The following OPCML variants were observed in gnomAD, a reference collection of about 807,000 sequenced individuals.
The protein encoded by OPCML is opioid binding protein/cell adhesion molecule like, also known as opioid-binding protein/cell adhesion molecule.
OPCML carries 13 observed loss-of-function variants against 37.8 expected under a neutral mutation model. The observed-to-expected ratio is 0.34, with a 90% CI of 0.22 to 0.55. The LOEUF (loss-of-function observed/expected upper bound fraction) is 0.55, where lower values mean the gene tolerates loss of function less well. Among genes scored for constraint, OPCML ranks in the 20% least tolerant of loss-of-function variants. The pLI is 0.91. For synonymous variants in OPCML, 176 were observed against 168.8 expected (o/e 1.04, Z -0.33); for missense variants, 341 against 435.6 (o/e 0.78, Z 1.93).
intron 1 of OPCML, among the ~76,000 whole-genome samples, chr11:133,435,486 T>C (rs1485666224): frequency 1.3e-5 from 2 of 152,226 alleles, no homozygotes; most frequent in Admixed American, 1.3e-4. Flanking sequence ...TCAGGTATTG[T>C]CAGAGGAGAT....
At chr11:132,738,732 T>C (rs940900201) in intron 2 of OPCML, among the ~76,000 whole-genome samples, 2 of 152,210 alleles carry the variant, frequency 1.3e-5, no homozygotes, top group Non-Finnish European at 2.9e-5. Context: ...TCATCCTTTA[T>C]TGAAAGTTGT....
chr11:133,116,818 G>A (rs543119630), intron 1 of OPCML, among the ~76,000 whole-genome samples: 11,457 of 139,116 alleles, frequency 0.082, 714 homozygotes, highest in East Asian at 0.17. Flanking sequence ...ATATATATAT[G>A]TATGTATCTT....
At position 132,943,290 on chromosome 11, in the gene OPCML, G is replaced by T. The variant is rs1945648722; in HGVS notation, c.62-280C>A. 2.6e-6 allele frequency: 2 copies of T among 783,794 alleles called. No homozygotes were observed. The highest frequency in any genetic ancestry group is 1.7e-5 in the African/African-American group (1 of 57,306). The allele number at this position is 783,794 out of a possible 1,614,324, so 48.6% of individuals were successfully genotyped here. On this transcript the variant is annotated intron_variant, in intron 1 of 7. Coordinates refer to ENST00000524381, the MANE Select transcript of OPCML (RefSeq NM_001012393.5). This position sits in a 1 kb window ranked among gnomAD's most constrained non-coding sequence, Gnocchi z 4.3. ...CCTCAGATCCTGCCTCAGCTTTCCA[G>T]CCTAGCAGAACCAGATGCCCCCTCC...
At chr11:133,189,360 G>C (rs1477487644) in intron 1 of OPCML, among the ~76,000 whole-genome samples, 2 of 152,160 alleles carry the variant, frequency 1.3e-5, no homozygotes, top group African/African-American at 2.4e-5. Flanking sequence ...GAAGACTAAG[G>C]AAGAAAGCTC....
rs1165145372 is a variant in OPCML at position 133,368,255 on chromosome 11, G to A, written c.61+164009C>T. On this transcript the variant is annotated intron_variant, in intron 1 of 7. Coordinates refer to ENST00000524381, the MANE Select transcript of OPCML (RefSeq NM_001012393.5). Reference sequence around the variant, plus strand: ...GAAGGAAAAGGTGAGGTGGGGGGGGGAAGGAGAAGAACAGGGAGGAGAAGG... The same window carrying A: ...GAAGGAAAAGGTGAGGTGGGGGGGGAAAGGAGAAGAACAGGGAGGAGAAGG... Among the ~76,000 whole-genome samples the A allele has an allele frequency of 4.9e-5, 7 of 143,672 alleles. No individual in the cohort carries two copies. The East Asian group carries it at 1.5e-3, about 31-fold the overall frequency. The allele number at this position is 143,672 out of a possible 152,430, so 94.3% of individuals were successfully genotyped here. A position where few individuals can be genotyped will look rare whatever the true frequency, so the allele number is the denominator to read the frequency against.
rs189992542 is a variant in OPCML, at chr11:133,417,524, T to C, written c.61+114740A>G. Among the ~76,000 whole-genome samples the C allele has an allele frequency of 8.6e-3, 1,315 of 152,060 alleles. 25 individuals are homozygous for C. Among genetic ancestry groups the C allele is most frequent in the Non-Finnish European group, 7.1e-3 (481 of 68,012 alleles). ...TATACTTTAAGTTCTAGGGTACATATGCACAACATGCAGGTTTGTTACATA... is the reference window on the plus strand; with the variant it reads ...TATACTTTAAGTTCTAGGGTACATACGCACAACATGCAGGTTTGTTACATA... On this transcript the variant is annotated intron_variant, in intron 1 of 7. Transcript: ENST00000524381.
chr11:133,321,953 G>A (rs940211544), intron 1 of OPCML, among the ~76,000 whole-genome samples: 9 of 152,012 alleles, frequency 5.9e-5, no homozygotes, highest in Non-Finnish European at 1.2e-4. Context: ...CCATAGTATC[G>A]AACAGCAGAA....
At chr11:133,408,859 G>C (rs1945583697) in intron 1 of OPCML, among the ~76,000 whole-genome samples, 1 of 152,168 alleles carries the variant, frequency 6.6e-6, no homozygotes, top group Non-Finnish European at 1.5e-5. Context: ...GCGATTCAAA[G>C]ACCTGCTGTA....
intron 1 of OPCML, among the ~76,000 whole-genome samples, chr11:133,057,091 G>A (rs149037389): frequency 1.6e-3 from 241 of 152,276 alleles, no homozygotes; most frequent in African/African-American, 5.6e-3. Context: ...TTATCCACCC[G>A]CCTTGGCCTC....
At chr11:132,821,252 G>A (rs1282304531) in intron 2 of OPCML, among the ~76,000 whole-genome samples, 3 of 152,134 alleles carry the variant, frequency 2.0e-5, no homozygotes, top group African/African-American at 4.8e-5. Context: ...AATGTCCCTG[G>A]GGCCCTTCCT....
intron 1 of OPCML, among the ~76,000 whole-genome samples, chr11:133,115,971 A>AATAT (rs5795818): frequency 2.8e-4 from 42 of 151,072 alleles, no homozygotes; most frequent in African/African-American, 8.3e-4. Flanking sequence ...CATTATTATT[A>AATAT]ATATATATAT....
intron 1 of OPCML, among the ~76,000 whole-genome samples, chr11:133,513,232 G>A (rs919586405): frequency 1.3e-5 from 2 of 152,158 alleles, no homozygotes; most frequent in African/African-American, 4.8e-5. Flanking sequence ...TGAGAAATGT[G>A]TGGGGTTATT....
At chr11:132,821,032 T>G (rs2136248092) in intron 2 of OPCML, among the ~76,000 whole-genome samples, 1 of 152,322 alleles carries the variant, frequency 6.6e-6, no homozygotes, top group South Asian at 2.1e-4. Flanking sequence ...ACAGAGTCCT[T>G]GGGTGATGGA....
At chr11:133,301,537 T>C (rs1047885871) in intron 1 of OPCML, 3 of 152,194 alleles carry the variant, frequency 2.0e-5, no homozygotes, top group Admixed American at 2.0e-4. Context: ...TGAGAGCTTT[T>C]GTTAGGGATG....
At chr11:133,513,701 T>G (rs1382608656) in intron 1 of OPCML, among the ~76,000 whole-genome samples, 4 of 152,206 alleles carry the variant, frequency 2.6e-5, no homozygotes, top group African/African-American at 9.7e-5. Context: ...ATCCTGAGCC[T>G]CTAGTGCCTG....
At chr11:133,408,422 G>T (rs1424361340) in intron 1 of OPCML, among the ~76,000 whole-genome samples, 1 of 152,194 alleles carries the variant, frequency 6.6e-6, no homozygotes. Context: ...GGCTTGCTGA[G>T]CACTTTCATA....
In OPCML at chr11:133,365,048, TCACACACACA is replaced by T. The variant is rs3220326; in HGVS notation, c.61+167206_61+167215del. Among the ~76,000 whole-genome samples the T allele has an allele frequency of 2.1e-3, 303 of 146,576 alleles. 5 individuals are homozygous for T. In the East Asian group the frequency reaches 0.048, roughly 23 times the overall value. On this transcript the variant is annotated intron_variant, in intron 1 of 7. Transcript: ENST00000524381. ...GCCTCTCTCTCTATCTCTCTCTCTT[TCACACACACA>T]CACACACACACACACACACACACAC...
chr11:132,894,792 G>A (rs1943773956), intron 2 of OPCML, among the ~76,000 whole-genome samples: 1 of 152,098 alleles, frequency 6.6e-6, no homozygotes, highest in Non-Finnish European at 1.5e-5. Flanking sequence ...GCTGGCCTTT[G>A]GACTCTAGGA....
rs1222881246 is a variant in OPCML at position 132,485,719 on chromosome 11, A to G, written c.505+43342T>C. Among the ~76,000 whole-genome samples, 4 of 152,336 alleles carry G rather than the reference A, an allele frequency of 2.6e-5. No homozygotes were observed. In the East Asian group the frequency reaches 5.8e-4, roughly 22 times the overall value. ...TTATTTTGAAGTTTATCCATGTTGT[A>G]TATAAAACTGCGTATTTTCTTTTTA... On this transcript the variant is annotated intron_variant, in intron 4 of 7. Transcript: ENST00000524381.
Sources: gnomAD v4.1 joint callset for allele counts (sites outside exome capture counted in the v4.1 genomes callset) on GRCh38, gnomAD v4.1.1 for gene constraint, Gnocchi (gnomAD v3.1) non-coding constraint, MANE v1.5 for transcripts, NCBI Gene and HGNC (gene_info 2026-07-23, HGNC 2026-07-21) for gene names.